Variants in ACSM5 observed in about 807,000 individuals in gnomAD.
ACSM5 encodes acyl-coenzyme A synthetase ACSM5, mitochondrial.
Under a neutral mutation model 71.6 loss-of-function variants are expected in ACSM5, and 56 were observed. That is an observed-to-expected ratio of 0.78 (90% CI 0.63 to 0.98). The LOEUF is 0.98. Ranked by LOEUF, ACSM5 falls within the 50% of genes least tolerant of loss-of-function variation. The pLI is 0.00. For missense variants in ACSM5, 723 were observed against 726.0 expected, an observed-to-expected ratio of 1.00 and a Z score of 0.05; for synonymous variants, 285 against 281.5, an observed-to-expected ratio of 1.01 and a Z score of -0.12.
At chr16:20,414,373 T>C (rs560898517) in intron 2 of ACSM5, among the ~76,000 whole-genome samples, 16 of 152,228 alleles carry the variant, frequency 1.1e-4, no homozygotes, top group Non-Finnish European at 1.5e-5. Context: ...GAGAAGGAGA[T>C]GTGACAATGA....
chr16:20,439,290 C>A (rs1225552134), intron 12 of ACSM5, among the ~76,000 whole-genome samples: 1 of 123,418 alleles, frequency 8.1e-6, no homozygotes, highest in Non-Finnish European at 1.6e-5. Context: ...GAATGTCCCT[C>A]GGGATGTCTG....
At chr16:20,417,913 C>T (rs2141643358) in intron 2 of ACSM5, 146 bp from the exon 3 acceptor site, 2 of 785,394 alleles carry the variant, frequency 2.5e-6, no homozygotes, top group African/African-American at 1.7e-5. Context: ...GGGAGCAAGC[C>T]TTTTCAATGC....
chr16:20,420,207 T>A (rs929001762), intron 4 of ACSM5, among the ~76,000 whole-genome samples: 8 of 152,194 alleles, frequency 5.3e-5, no homozygotes, highest in African/African-American at 1.4e-4. Context: ...TGCATCAGAT[T>A]CACCTGGCTG....
Position 20,411,562 on chromosome 16 carries a change from A to C in ACSM5, c.78A>C (p.Pro26=), listed in dbSNP as rs771109188. Residue 26 remains proline (P), a synonymous_variant, in exon 2 of 14, where the codon CCA becomes CCC. Coordinates refer to ENST00000331849, the MANE Select transcript of ACSM5 (RefSeq NM_017888.3). ...SRAFCGSHGK[P]APLPVPQKIV... The stretch of plus-strand genomic sequence containing the variant: ...CATTCTGTGGGTCTCATGGGAAGCC[A>C]GCACCTCTACCTGTTCCTCAGAAGA... 5.6e-6 allele frequency: 9 copies of C among 1,614,228 alleles called. No individual in the cohort carries two copies. The highest frequency in any genetic ancestry group is 7.6e-6 in the Non-Finnish European group (9 of 1,180,036).
chr16:20,421,281 G>T lies in ACSM5; in HGVS notation c.647G>T (p.Cys216Phe). 6.2e-7 allele frequency: 1 copy of T among 1,604,832 alleles called. No homozygotes were observed. Among genetic ancestry groups the T allele is most frequent in the Admixed American group, 1.7e-5 (1 of 59,106 alleles). ...AGGGAGGCTTCTACAGAGCACAACT[G>T]CATGAGGACAAAGAGTCGAGACCCG... ...LLREASTEHN[C>F]MRTKSRDPLA... is the part of the protein sequence containing the mutation. Residue 216 changes from cysteine to phenylalanine, a missense_variant, in exon 5 of 14, where the codon TGC becomes TTC. By Grantham distance (205) the Cys-to-Phe change is radical. Coordinates refer to ENST00000331849, the MANE Select transcript of ACSM5 (RefSeq NM_017888.3).
chr16:20,415,088 C>T (rs529823653), intron 2 of ACSM5, among the ~76,000 whole-genome samples: 1 of 152,162 alleles, frequency 6.6e-6, no homozygotes, highest in Admixed American at 6.5e-5. Context: ...GATTTCCCAG[C>T]CAAGTGTTGA....
At chr16:20,416,566 C>G (rs535482747) in intron 2 of ACSM5, among the ~76,000 whole-genome samples, 35 of 152,144 alleles carry the variant, frequency 2.3e-4, no homozygotes, top group Non-Finnish European at 3.7e-4. Flanking sequence ...ACCCTAAATA[C>G]AAAAATTAAC....
chr16:20,422,737 G>C (rs772790146), intron 5 of ACSM5, among the ~76,000 whole-genome samples: 8 of 152,266 alleles, frequency 5.3e-5, no homozygotes, highest in Non-Finnish European at 1.0e-4. Flanking sequence ...GCATTAAGAG[G>C]CAAGCATGGT....
Position 20,418,168 on chromosome 16 carries a change from T to G in ACSM5, c.314T>G (p.Val105Gly). The change falls in exon 3 of 14, where the codon GTG (valine) becomes GGG (glycine). Residue 105 changes from valine to glycine, a missense_variant. Val to Gly is a moderately radical substitution (Grantham distance 109, BLOSUM62 -3). Transcript: ENST00000331849. ...AAGCAGTCCAGGAAGGCAGCCAATG[T>G]GCTGGGGGGTGCATGCGGCCTGCAG... The part of the protein sequence containing the change: ...LGKQSRKAAN[V>G]LGGACGLQPG... The G allele has an allele frequency of 1.2e-6, 2 of 1,613,384 alleles. No homozygotes were observed. The highest frequency in any genetic ancestry group is 1.7e-6 in the Non-Finnish European group (2 of 1,179,908).
At chr16:20,422,194 C>A (rs550316292) in intron 5 of ACSM5, among the ~76,000 whole-genome samples, 4 of 152,104 alleles carry the variant, frequency 2.6e-5, no homozygotes, top group African/African-American at 7.2e-5. Context: ...TCACTGCAAC[C>A]TCTGCCTTCC....
Position 20,440,423 on chromosome 16 carries a change from A to G in ACSM5, c.1736A>G (p.Lys579Arg), listed in dbSNP as rs1211879629. ...AAATTGCGAAGTCAGGAGTGGGGGA[A>G]ATGAGGTGCACCCCAGGAAGGCCCC... ...RSKLRSQEWGK is the reference protein window; with the variant it reads ...RSKLRSQEWGR Residue 579 changes from lysine (K) to arginine (R), a missense_variant, in exon 14 of 14, where the codon AAA becomes AGA. Lys to Arg is a conservative substitution (Grantham distance 26, BLOSUM62 2). Coordinates refer to ENST00000331849, the MANE Select transcript of ACSM5 (RefSeq NM_017888.3). 1 of 1,610,240 alleles carries G rather than the reference A, an allele frequency of 6.2e-7. No individual in the cohort carries two copies. The highest frequency in any genetic ancestry group is 2.2e-5 in the East Asian group (1 of 44,870).
At position 20,431,341 on chromosome 16, in the gene ACSM5, C is replaced by G. The variant is rs113795675; in HGVS notation, c.1308+20C>G. 8 of 1,581,632 alleles carry G rather than the reference C, an allele frequency of 5.1e-6. No individual in the cohort carries two copies. The highest frequency in any genetic ancestry group is 7.0e-6 in the Non-Finnish European group (8 of 1,150,522). On this transcript the variant is annotated intron_variant, in intron 10 of 13. Transcript: ENST00000331849. ...TATTTGGTAAGAGACGGGGAACAGCCGTTCTCATGACAGTGACTGTGTGCT... is the reference window on the plus strand; with the variant it reads ...TATTTGGTAAGAGACGGGGAACAGCGGTTCTCATGACAGTGACTGTGTGCT...
chr16:20,415,987 C>T lies in ACSM5; in HGVS notation c.205-2072C>T, dbSNP rs557968410. ...AAGAAATGATTTCATTTACTAATAG[C>T]GTCAAAAAGAACGAAATACATATAA... On this transcript the variant is annotated intron_variant, in intron 2 of 13. Coordinates refer to ENST00000331849, the MANE Select transcript of ACSM5 (RefSeq NM_017888.3). Among the ~76,000 whole-genome samples, 234 of 151,828 alleles carry T rather than the reference C, an allele frequency of 1.5e-3. 2 individuals carry two copies. The highest frequency in any genetic ancestry group is 2.8e-3 in the Non-Finnish European group (187 of 67,934).
At chr16:20,438,978 A>G (rs1165796495) in intron 12 of ACSM5, among the ~76,000 whole-genome samples, 1 of 123,998 alleles carries the variant, frequency 8.1e-6, no homozygotes, top group South Asian at 2.7e-4. Flanking sequence ...AAAAAAAAAA[A>G]GTGTCCAACA....
Position 20,440,519 on chromosome 16 carries a change from C to A in ACSM5, c.*92C>A. ...GTCCCCATGGGGAGCATCATCTCTTCGACCCTAAAGATGTCAAAGGTGTGC... is the reference window on the plus strand; with the variant it reads ...GTCCCCATGGGGAGCATCATCTCTTAGACCCTAAAGATGTCAAAGGTGTGC... On this transcript the variant is annotated 3_prime_UTR_variant, in exon 14 of 14. Transcript: ENST00000331849. The A allele has an allele frequency of 1.7e-6, 2 of 1,193,484 alleles. No individual in the cohort carries two copies. Among genetic ancestry groups the A allele is most frequent in the Non-Finnish European group, 2.5e-6 (2 of 805,142 alleles). The allele number at this position is 1,193,484 out of a possible 1,614,324, so 73.9% of individuals were successfully genotyped here.
intron 8 of ACSM5, among the ~76,000 whole-genome samples, chr16:20,430,249 A>T (rs534450710): frequency 4.6e-5 from 7 of 151,570 alleles, no homozygotes; most frequent in East Asian, 1.9e-4. Flanking sequence ...CTTATAAATT[A>T]AAAAAAGGTA....
chr16:20,424,098 A>T (rs1256796441), intron 6 of ACSM5, 29 bp downstream of exon 6: 1 of 1,611,704 alleles, frequency 6.2e-7, no homozygotes, highest in South Asian at 1.1e-5. Context: ...AATACCCCAT[A>T]TGTGTTGGGT....
rs1271222151 is a variant in ACSM5 at position 20,418,091 on chromosome 16, G to A, written c.237G>A (p.Trp79Ter). Residue 79 changes from tryptophan to a stop codon, truncating the protein, a stop_gained, in exon 3 of 14, where the codon TGG becomes TGA. Transcript: ENST00000331849. LOFTEE classifies it high-confidence loss of function. ...ACCGCCCCCCAAATCCTGCCTTCTG[G>A]TGGGTCAATGGCACAGGAGCAGAGA... ...AGHRPPNPAF[W>*]WVNGTGAEIK... is the part of the protein sequence containing the mutation. 76 of 1,613,678 alleles carry A rather than the reference G, an allele frequency of 4.7e-5. 1 individual carries two copies. The highest frequency in any genetic ancestry group is 6.6e-5 in the South Asian group (6 of 91,064).
Position 20,431,330 on chromosome 16 carries a change from CG to C in ACSM5, c.1308+13del. 1.2e-6 allele frequency: 2 copies of C among 1,606,362 alleles called. No homozygotes were observed. The highest frequency in any genetic ancestry group is 1.7e-6 in the Non-Finnish European group (2 of 1,172,878). On this transcript the variant is annotated intron_variant, in intron 10 of 13. Coordinates refer to ENST00000331849, the MANE Select transcript of ACSM5 (RefSeq NM_017888.3). The stretch of plus-strand genomic sequence containing the variant: ...TCTTCAATTGCTATTTGGTAAGAGA[CG>C]GGGAACAGCCGTTCTCATGACAGTG...
Sources: allele counts gnomAD v4.1 joint callset (sites outside exome capture counted in the v4.1 genomes callset), GRCh38; gene constraint gnomAD v4.1.1; transcripts MANE v1.5; gene names NCBI Gene and HGNC (gene_info 2026-07-23, HGNC 2026-07-21).